The following PARPBP variants were observed in gnomAD, a reference collection of about 807,000 sequenced individuals.
The protein encoded by PARPBP is PARP1 binding protein, also known as PCNA-interacting partner.
In PARPBP, 52 loss-of-function variants were observed where a neutral mutation model predicts 50.0. The observed-to-expected ratio is 1.04, with a 90% confidence interval of 0.83 to 1.31. PARPBP has a LOEUF of 1.31. PARPBP is among the 50% of genes most tolerant of loss of function. The pLI, the probability that PARPBP is intolerant of heterozygous loss-of-function variation, is 0.00. For missense variants in PARPBP, 697 were observed against 672.0 expected (o/e 1.04, Z -0.41); for synonymous variants, 244 against 232.1 (o/e 1.05, Z -0.47).
chr12:102,128,047 C>A (rs1253767407), intron 2 of PARPBP, among the ~76,000 whole-genome samples: 1 of 152,080 alleles, frequency 6.6e-6, no homozygotes, highest in Non-Finnish European at 1.5e-5. Flanking sequence ...AAAATGTATT[C>A]TCTGAACAGT....
At position 102,144,221 on chromosome 12, in the gene PARPBP, A is replaced by C. The variant is rs138514020; in HGVS notation, c.154-4009A>C. On this transcript the variant is annotated intron_variant, in intron 2 of 10. Transcript: ENST00000327680. Reference sequence around the variant, plus strand: ...CAATTAAAAATGTAAAGTTTATTTAAAATTTTGAGTTATTAGAAAAATATG... The same window carrying C: ...CAATTAAAAATGTAAAGTTTATTTACAATTTTGAGTTATTAGAAAAATATG... Among the ~76,000 whole-genome samples the C allele has an allele frequency of 9.3e-4, 141 of 152,324 alleles. 1 individual carries two copies. Among genetic ancestry groups the C allele is most frequent in the African/African-American group, 3.0e-3 (124 of 41,568 alleles).
chr12:102,137,653 G>A (rs763590319), intron 2 of PARPBP, among the ~76,000 whole-genome samples: 6 of 146,246 alleles, frequency 4.1e-5, no homozygotes, highest in African/African-American at 7.5e-5. Context: ...ATCCCTCCCC[G>A]CTCCCCCCAC....
At chr12:102,154,812 T>C (rs1455451588) in intron 4 of PARPBP, 1 of 454,366 alleles carries the variant, frequency 2.2e-6, no homozygotes, top group Non-Finnish European at 4.4e-6. Flanking sequence ...ATTAACTAAA[T>C]CTTTCCCCTT....
At chr12:102,135,298 A>C (rs992794157) in intron 2 of PARPBP, among the ~76,000 whole-genome samples, 4 of 152,134 alleles carry the variant, frequency 2.6e-5, no homozygotes, top group Non-Finnish European at 5.9e-5. Flanking sequence ...TAATCCCAGC[A>C]CTTTGGGAGG....
intron 2 of PARPBP, among the ~76,000 whole-genome samples, chr12:102,125,593 T>C (rs1321302471): frequency 4.6e-5 from 7 of 152,140 alleles, no homozygotes; most frequent in African/African-American, 1.7e-4. Context: ...TACAGCTGTC[T>C]GAATAAATGT....
chr12:102,144,898 A>G (rs770587021), intron 2 of PARPBP, among the ~76,000 whole-genome samples: 3 of 152,154 alleles, frequency 2.0e-5, no homozygotes, highest in African/African-American at 4.8e-5. Flanking sequence ...AATAGATCCA[A>G]TGTTTGAGAG....
At chr12:102,140,047 C>T (rs1277766587) in intron 2 of PARPBP, among the ~76,000 whole-genome samples, 1 of 152,134 alleles carries the variant, frequency 6.6e-6, no homozygotes, top group Non-Finnish European at 1.5e-5. Flanking sequence ...GGAATAGTTT[C>T]AGAAAGAATG....
rs1401243856 is a variant in PARPBP at position 102,164,490 on chromosome 12, A to T, written c.548A>T (p.Asn183Ile). ...IIFSYLNLLV[N>I]SKNDLAVAYI... ...TTTTCATATTTAAATCTGCTAGTGA[A>T]TTCAAAGAATGACCTGGCTGTGGCT... The change falls in exon 5 of 11, where the codon AAT becomes ATT. Residue 183 changes from asparagine to isoleucine, a missense_variant. Physicochemically the swap from Asn to Ile is moderately radical, Grantham distance 149. Coordinates refer to ENST00000327680, the MANE Select transcript of PARPBP (RefSeq NM_017915.5). 1 of 1,612,932 alleles carries T rather than the reference A, an allele frequency of 6.2e-7. No homozygotes were observed. Among genetic ancestry groups the T allele is most frequent in the African/African-American group, 1.3e-5 (1 of 74,898 alleles).
Position 102,182,564 on chromosome 12 carries a change from G to A in PARPBP, c.1200G>A (p.Val400=). 1 of 1,609,952 alleles carries A rather than the reference G, an allele frequency of 6.2e-7. No homozygotes were observed. The highest frequency in any genetic ancestry group is 8.5e-7 in the Non-Finnish European group (1 of 1,177,840). Residue 400 remains valine, a synonymous_variant, in exon 9 of 11, where the codon GTG becomes GTA. Coordinates refer to ENST00000327680, the MANE Select transcript of PARPBP (RefSeq NM_017915.5). ...ILTLFRSPTQ[V]NNSIKPLRER... ...TTTGACATAGGTCTCCCACACAGGTGAATAATTCGATAAAACCCCTAAGAG... is the reference window on the plus strand; with the variant it reads ...TTTGACATAGGTCTCCCACACAGGTAAATAATTCGATAAAACCCCTAAGAG...
At chr12:102,181,518 G>A (rs1238480946) in intron 8 of PARPBP, among the ~76,000 whole-genome samples, 1 of 152,114 alleles carries the variant, frequency 6.6e-6, no homozygotes, top group Non-Finnish European at 1.5e-5. Context: ...TAACATAAAG[G>A]TAAGTATTTA....
chr12:102,149,163 C>G (rs1423785035), intron 3 of PARPBP, among the ~76,000 whole-genome samples: 1 of 151,978 alleles, frequency 6.6e-6, no homozygotes, highest in East Asian at 1.9e-4. Flanking sequence ...ATAACTGAAG[C>G]TGGAATTAGA....
intron 2 of PARPBP, among the ~76,000 whole-genome samples, chr12:102,143,297 A>T (rs2002134): frequency 0.19 from 28,399 of 152,174 alleles, 2,697 homozygotes; most frequent in Non-Finnish European, 0.21. Context: ...GGAGCAGGAT[A>T]TAATCTGCTG....
chr12:102,126,584 C>T (rs1005306833), intron 2 of PARPBP, among the ~76,000 whole-genome samples: 1 of 152,096 alleles, frequency 6.6e-6, no homozygotes, highest in African/African-American at 2.4e-5. Flanking sequence ...GTCAGGAGTT[C>T]GAGTCCAGCC....
chr12:102,137,568 A>G (rs1231395989), intron 2 of PARPBP, among the ~76,000 whole-genome samples: 1 of 151,590 alleles, frequency 6.6e-6, no homozygotes, highest in African/African-American at 2.4e-5. Context: ...GGTTTGTTAC[A>G]TATGTACACA....
chr12:102,186,563 T>A (rs1054880187), intron 9 of PARPBP, among the ~76,000 whole-genome samples: 4 of 152,168 alleles, frequency 2.6e-5, no homozygotes, highest in African/African-American at 9.6e-5. Flanking sequence ...TCCTTTTTAA[T>A]TTATTAAGCA....
intron 2 of PARPBP, among the ~76,000 whole-genome samples, chr12:102,142,533 T>C (rs1221175561): frequency 6.6e-6 from 1 of 152,218 alleles, no homozygotes; most frequent in African/African-American, 2.4e-5. Flanking sequence ...CCATTGCTGG[T>C]GAGGAGCTGC....
intron 4 of PARPBP, chr12:102,155,063 C>T (rs900747942): frequency 1.8e-5 from 5 of 271,274 alleles, no homozygotes; most frequent in African/African-American, 8.9e-5. Context: ...CTACCTATGA[C>T]CTATAAGCCC....
intron 2 of PARPBP, among the ~76,000 whole-genome samples, chr12:102,129,241 C>T (rs1327227922): frequency 1.3e-5 from 2 of 152,144 alleles, no homozygotes; most frequent in Non-Finnish European, 2.9e-5. Flanking sequence ...CCTGCCTCAA[C>T]CTCTGAAGTA....
At chr12:102,123,359 G>A (rs1881451980) in intron 1 of PARPBP, among the ~76,000 whole-genome samples, 1 of 152,088 alleles carries the variant, frequency 6.6e-6, no homozygotes, top group African/African-American at 2.4e-5. Flanking sequence ...TAAGGCCTAA[G>A]CTCAGAACTC....
Sources: allele counts gnomAD v4.1 joint callset (sites outside exome capture counted in the v4.1 genomes callset), GRCh38; gene constraint gnomAD v4.1.1; transcripts MANE v1.5; gene names NCBI Gene and HGNC (gene_info 2026-07-23, HGNC 2026-07-21).